The following ST8SIA5 variants were observed in gnomAD, a reference collection of about 807,000 sequenced individuals.
ST8SIA5 encodes the protein alpha-2,8-sialyltransferase 8E.
ST8SIA5 carries 24 observed loss-of-function variants against 40.2 expected under a neutral mutation model. The ratio of observed to expected loss-of-function variants is 0.60; its 90% CI spans 0.43 to 0.84. The LOEUF is 0.84. Ranked by LOEUF, ST8SIA5 falls within the 40% of genes least tolerant of loss-of-function variation. The pLI, the probability that ST8SIA5 is intolerant of heterozygous loss-of-function variation, is 0.00. For synonymous variants in ST8SIA5, 198 were observed against 201.8 expected (o/e 0.98, Z 0.16); for missense variants, 465 against 498.5 (o/e 0.93, Z 0.64).
chr18:46,749,184 G>A (rs892525580), intron 1 of ST8SIA5, among the ~76,000 whole-genome samples: 9 of 152,184 alleles, frequency 5.9e-5, no homozygotes, highest in Non-Finnish European at 1.3e-4. Flanking sequence ...AAACAGGTTA[G>A]TGCGTTTGCT....
At position 46,675,631 on chromosome 18, in the gene ST8SIA5, GAA is replaced by G. The variant is rs928988905; in HGVS notation, c.*4409_*4410del. 6.6e-6 allele frequency: 1 copy of G among 152,206 alleles called. No homozygotes were observed. Among genetic ancestry groups the G allele is most frequent in the African/African-American group, 2.4e-5 (1 of 41,448 alleles). The allele number at this position is 152,206 out of a possible 1,614,324, so 9.4% of individuals were successfully genotyped here. ...TTCTGCAGGAATGCTCCTAGGAAGAGAAGAGAACCCTGAGGAAGCTTCACGGA... is the reference window on the plus strand; with the variant it reads ...TTCTGCAGGAATGCTCCTAGGAAGAGGAGAACCCTGAGGAAGCTTCACGGA... On this transcript the variant is annotated 3_prime_UTR_variant, in exon 7 of 7. Coordinates refer to ENST00000315087, the MANE Select transcript of ST8SIA5 (RefSeq NM_013305.6).
At position 46,737,688 on chromosome 18, in the gene ST8SIA5, G is replaced by A. The variant is rs367703341; in HGVS notation, c.131+18690C>T. ...AGACTATGTATTTAATAGGACTATG[G>A]AGAGGATTAAATGAAATAATCTTCA... is the stretch of plus-strand genomic sequence containing the variant. On this transcript the variant is annotated intron_variant, in intron 1 of 6. Transcript: ENST00000315087. Among the ~76,000 whole-genome samples, 33 of 152,326 alleles carry A rather than the reference G, an allele frequency of 2.2e-4. No homozygotes were observed. In the East Asian group the frequency reaches 3.9e-3, roughly 18 times the overall value.
rs116141212 is a variant in ST8SIA5 at position 46,739,264 on chromosome 18, G to A, written c.131+17114C>T. ...ATGCGTAAAAGACCCTTCACTGGCC[G>A]GGTGTGGTGGCTCATGCCTGTAATC... On this transcript the variant is annotated intron_variant, in intron 1 of 6. Transcript: ENST00000315087. Among the ~76,000 whole-genome samples, 433 of 152,270 alleles carry A rather than the reference G, an allele frequency of 2.8e-3. 4 individuals carry two copies. Among genetic ancestry groups the A allele is most frequent in the African/African-American group, 0.01 (418 of 41,564 alleles).
chr18:46,733,658 G>A (rs1346126838), intron 1 of ST8SIA5, among the ~76,000 whole-genome samples: 1 of 152,194 alleles, frequency 6.6e-6, no homozygotes, highest in Admixed American at 6.5e-5. Flanking sequence ...ATTCCACACA[G>A]GGCAGTCAGG....
At chr18:46,748,940 A>G (rs74488877) in intron 1 of ST8SIA5, among the ~76,000 whole-genome samples, 2 of 152,184 alleles carry the variant, frequency 1.3e-5, no homozygotes, top group Admixed American at 1.3e-4. Context: ...TTAACATAAC[A>G]GTGAAAAACA....
At chr18:46,754,081 A>G (rs2040219482) in intron 1 of ST8SIA5, among the ~76,000 whole-genome samples, 1 of 152,156 alleles carries the variant, frequency 6.6e-6, no homozygotes, top group Admixed American at 6.5e-5. Context: ...GTTCATTACA[A>G]TCATGATATA....
rs2144448363 is a variant in ST8SIA5, at chr18:46,676,789, T to G, written c.*3253A>C. ...TCAATGGGTAGTCTGCACTGCATGG[T>G]GGCGTGGTGACAGGGCTGTGGAGGA... On this transcript the variant is annotated 3_prime_UTR_variant, in exon 7 of 7. Coordinates refer to ENST00000315087, the MANE Select transcript of ST8SIA5 (RefSeq NM_013305.6). 1 of 152,370 alleles carries G rather than the reference T, an allele frequency of 6.6e-6. No individual in the cohort carries two copies. The highest frequency in any genetic ancestry group is 6.5e-5 in the Admixed American group (1 of 15,304). 9.4% of individuals were successfully genotyped at this position (152,370 alleles called of 1,614,324 possible).
At chr18:46,680,586 C>T (rs1038525363) in intron 6 of ST8SIA5, 76 bp from the exon 7 acceptor site, 1 of 1,428,978 alleles carries the variant, frequency 7.0e-7, no homozygotes, top group Non-Finnish European at 9.3e-7. Flanking sequence ...ACCCTTGCAC[C>T]CTGGGGCTTT....
At chr18:46,747,374 G>GA (rs1310980524) in intron 1 of ST8SIA5, among the ~76,000 whole-genome samples, 8 of 151,924 alleles carry the variant, frequency 5.3e-5, no homozygotes, top group African/African-American at 7.3e-5. Flanking sequence ...AAATTTACAA[G>GA]AAAAAAACAA....
At chr18:46,756,221 C>T (rs1355531401) in intron 1 of ST8SIA5, among the ~76,000 whole-genome samples, 157 bp downstream of exon 1, 2 of 152,252 alleles carry the variant, frequency 1.3e-5, no homozygotes, top group Non-Finnish European at 2.9e-5. Context: ...CTCTTGGAAA[C>T]GCGGTGGCCC....
chr18:46,754,787 T>C (rs2040226059), intron 1 of ST8SIA5, among the ~76,000 whole-genome samples: 1 of 152,162 alleles, frequency 6.6e-6, no homozygotes. Context: ...GCAGAAGGAA[T>C]CCCAGCAGCC....
intron 5 of ST8SIA5, among the ~76,000 whole-genome samples, chr18:46,683,906 TTGC>T (rs2039421677): frequency 6.6e-6 from 1 of 152,192 alleles, no homozygotes; most frequent in Non-Finnish European, 1.5e-5. Context: ...GTCAAGGGAC[TTGC>T]TGCTATTAGG....
intron 3 of ST8SIA5, among the ~76,000 whole-genome samples, chr18:46,690,385 C>A (rs1000890326): frequency 6.6e-5 from 10 of 152,126 alleles, no homozygotes; most frequent in African/African-American, 2.2e-4. Flanking sequence ...CAAAGGGAGG[C>A]AATGACCAGC....
At chr18:46,753,560 G>T (rs2040214424) in intron 1 of ST8SIA5, among the ~76,000 whole-genome samples, 1 of 149,162 alleles carries the variant, frequency 6.7e-6, no homozygotes, top group Non-Finnish European at 1.5e-5. Context: ...GTGACACAGT[G>T]AGACTCCATC....
At position 46,756,669 on chromosome 18, in the gene ST8SIA5, G is replaced by T; in HGVS notation, c.-161C>A. On this transcript the variant is annotated 5_prime_UTR_variant, in exon 1 of 7. Coordinates refer to ENST00000315087, the MANE Select transcript of ST8SIA5 (RefSeq NM_013305.6). ...AAAGTTTCTGGTTGGCGCGGCCGGA[G>T]CTGGGGGCATCCAAGCGTCGCAGGC... The T allele has an allele frequency of 1.2e-6, 1 of 812,988 alleles. No homozygotes were observed. Among genetic ancestry groups the T allele is most frequent in the Non-Finnish European group, 1.8e-6 (1 of 542,720 alleles). 50.4% of individuals were successfully genotyped at this position (812,988 alleles called of 1,614,324 possible).
intron 5 of ST8SIA5, 44 bp downstream of exon 5, chr18:46,686,130 G>A (rs999448111): frequency 5.7e-6 from 9 of 1,573,376 alleles, no homozygotes; most frequent in Non-Finnish European, 7.9e-6. Flanking sequence ...ATGGAGGAGA[G>A]GGCCATGGGG....
chr18:46,686,115 A>G, intron 5 of ST8SIA5, 59 bp downstream of exon 5: 1 of 1,524,636 alleles, frequency 6.6e-7, no homozygotes. Flanking sequence ...AACCGGGGGA[A>G]GAATATGGAG....
chr18:46,736,668 G>C (rs1306092159), intron 1 of ST8SIA5, among the ~76,000 whole-genome samples: 1 of 152,108 alleles, frequency 6.6e-6, no homozygotes, highest in African/African-American at 2.4e-5. Context: ...AGGAAGAATG[G>C]GGAGTTGGCA....
chr18:46,723,411 G>A (rs992438205), intron 1 of ST8SIA5, among the ~76,000 whole-genome samples: 1 of 152,116 alleles, frequency 6.6e-6, no homozygotes, highest in Non-Finnish European at 1.5e-5. Context: ...AATTAGCTGG[G>A]CATGGTGGCA....
Sources: gnomAD v4.1 joint callset for allele counts (sites outside exome capture counted in the v4.1 genomes callset) on GRCh38, gnomAD v4.1.1 for gene constraint, MANE v1.5 for transcripts, NCBI Gene and HGNC (gene_info 2026-07-23, HGNC 2026-07-21) for gene names.